BMP7: variants seen among roughly 807,000 people sequenced by gnomAD.
The protein encoded by BMP7 is bone morphogenetic protein 7, also known as osteogenic protein 1.
Under a neutral mutation model 41.2 loss-of-function variants are expected in BMP7, and 12 were observed. The ratio of observed to expected loss-of-function variants is 0.29; its 90% CI spans 0.19 to 0.47. BMP7 has a LOEUF of 0.47. Ranked by LOEUF, BMP7 falls within the 20% of genes least tolerant of loss-of-function variation. BMP7 has a pLI of 0.99. For synonymous variants in BMP7, 248 were observed against 250.0 expected, an observed-to-expected ratio of 0.99 and a Z score of 0.07; for missense variants, 467 against 606.0, an observed-to-expected ratio of 0.77 and a Z score of 2.41.
In BMP7 at chr20:57,202,584, C is replaced by A; in HGVS notation, c.651G>T (p.Trp217Cys). The A allele has an allele frequency of 6.2e-7, 1 of 1,612,258 alleles. No homozygotes were observed. Among genetic ancestry groups the A allele is most frequent in the Non-Finnish European group, 8.5e-7 (1 of 1,179,984 alleles). The change falls in exon 3 of 7, where the codon TGG (tryptophan) becomes TGT (cysteine). Residue 217 changes from tryptophan to cysteine, a missense_variant. Physicochemically the swap from Trp to Cys is radical, Grantham distance 215. This residue lies in a region of BMP7 where 407 missense variants were observed against 485.9 expected (regional missense o/e 0.84). Coordinates refer to ENST00000395863, the MANE Select transcript of BMP7 (RefSeq NM_001719.3). ...DLFLLDSRTLWASEEGWLVFD... is the reference protein window; with the variant it reads ...DLFLLDSRTLCASEEGWLVFD... ...ACACCAGCCAGCCCTCCTCCGAGGC[C>A]CAGAGGGTACGGCTGTCGAGCAGGA... is the stretch of plus-strand genomic sequence containing the variant.
In BMP7 at chr20:57,174,993, C is replaced by A; in HGVS notation, c.973G>T (p.Asp325Tyr). The A allele has an allele frequency of 6.2e-7, 1 of 1,611,538 alleles. No individual in the cohort carries two copies. Among genetic ancestry groups the A allele is most frequent in the South Asian group, 1.1e-5 (1 of 90,828 alleles). The change falls in exon 5 of 7, where the codon GAC becomes TAC. Residue 325 changes from aspartate to tyrosine, a missense_variant. Physicochemically the swap from Asp to Tyr is radical, Grantham distance 160. Coordinates refer to ENST00000395863, the MANE Select transcript of BMP7 (RefSeq NM_001719.3). The surrounding 1 kb of genome is among the most constrained non-coding windows in gnomAD (Gnocchi z 4.3). ...MANVAENSSS[D>Y]QRQACKKHEL... ...TGCTTCTTACAGGCCTGCCTCTGGT[C>A]GCTGCTGCTGTTCTCTGCATTGACA... is the stretch of plus-strand genomic sequence containing the variant.
intron 4 of BMP7, among the ~76,000 whole-genome samples, chr20:57,183,383 G>T (rs530147324): frequency 4.5e-3 from 14 of 3,078 alleles, no homozygotes; most frequent in South Asian, 0.05. Flanking sequence ...TCCTTCCATG[G>T]GGTAAGCCCC....
intron 4 of BMP7, among the ~76,000 whole-genome samples, chr20:57,175,712 C>A (rs1027533782): frequency 2.6e-5 from 4 of 152,174 alleles, no homozygotes; most frequent in African/African-American, 7.2e-5. Context: ...CACACTGCAA[C>A]CTTCCTTCCA....
intron 3 of BMP7, among the ~76,000 whole-genome samples, chr20:57,193,129 C>G (rs563091728): frequency 6.6e-6 from 1 of 152,182 alleles, no homozygotes; most frequent in Non-Finnish European, 1.5e-5. Flanking sequence ...AGTTACCATA[C>G]AGTAAAATCC....
intron 1 of BMP7, among the ~76,000 whole-genome samples, chr20:57,262,746 CATA>C (rs937981031): frequency 2.0e-5 from 3 of 152,196 alleles, no homozygotes; most frequent in African/African-American, 4.8e-5. Flanking sequence ...AAACTCCCAC[CATA>C]ATAAGAAGTA....
chr20:57,199,481 A>G (rs1417537498), intron 3 of BMP7, among the ~76,000 whole-genome samples: 1 of 152,124 alleles, frequency 6.6e-6, no homozygotes, highest in Non-Finnish European at 1.5e-5. Context: ...CGGAAACAAA[A>G]CCACATGTAC....
At chr20:57,210,258 G>A (rs1252760571) in intron 2 of BMP7, among the ~76,000 whole-genome samples, 2 of 152,198 alleles carry the variant, frequency 1.3e-5, no homozygotes, top group African/African-American at 4.8e-5. Context: ...GGGCTTTCAG[G>A]TGCCTCCTCC....
chr20:57,205,841 G>A (rs113404774), intron 2 of BMP7, among the ~76,000 whole-genome samples: 1 of 152,148 alleles, frequency 6.6e-6, no homozygotes, highest in Non-Finnish European at 1.5e-5. Flanking sequence ...CAACGTGAAT[G>A]CGTCAACTCC....
At chr20:57,244,138 C>T (rs6092443) in intron 1 of BMP7, 5 of 152,266 alleles carry the variant, frequency 3.3e-5, no homozygotes, top group African/African-American at 1.2e-4. Context: ...TATTACAGCA[C>T]AGGCCACTGG....
rs1244574165 is a variant in BMP7 at position 57,174,755 on chromosome 20, C to T, written c.1035+176G>A. 1.3e-5 allele frequency among the ~76,000 whole-genome samples: 2 copies of T among 152,224 alleles called. No individual in the cohort carries two copies. The highest frequency in any genetic ancestry group is 2.4e-5 in the African/African-American group (1 of 41,458). ...CAAGTCTCAACCACATTTCTGCTCT[C>T]GGATTTCATGAGGCCTCCCTGTATC... On this transcript the variant is annotated intron_variant, in intron 5 of 6. Transcript: ENST00000395863. The surrounding 1 kb of genome is among the most constrained non-coding windows in gnomAD (Gnocchi z 4.3).
chr20:57,234,074 TC>T (rs759907824), intron 1 of BMP7, among the ~76,000 whole-genome samples: 1 of 151,934 alleles, frequency 6.6e-6, no homozygotes, highest in African/African-American at 2.4e-5. Context: ...CTTGCCCATG[TC>T]CCCCCACCCC....
chr20:57,207,978 C>T (rs1300014744), intron 2 of BMP7, among the ~76,000 whole-genome samples: 4 of 151,506 alleles, frequency 2.6e-5, no homozygotes, highest in Admixed American at 6.6e-5. Flanking sequence ...TACAGGCGCC[C>T]GCCACCGCGC....
At chr20:57,250,785 TA>T (rs1175461380) in intron 1 of BMP7, among the ~76,000 whole-genome samples, 1 of 152,168 alleles carries the variant, frequency 6.6e-6, no homozygotes, top group Admixed American at 6.5e-5. Flanking sequence ...GGTGTCTCCT[TA>T]AAACTCTGCA....
At chr20:57,241,654 G>A (rs572101013) in intron 1 of BMP7, among the ~76,000 whole-genome samples, 4 of 152,308 alleles carry the variant, frequency 2.6e-5, no homozygotes, top group Admixed American at 1.3e-4. Flanking sequence ...GGGGGGCTGC[G>A]TCCAGAGACA....
At chr20:57,187,209 C>A (rs1194016288) in intron 3 of BMP7, 2 of 152,200 alleles carry the variant, frequency 1.3e-5, no homozygotes, top group African/African-American at 2.4e-5. Context: ...GGTGTTTAAA[C>A]CCGCATCTGC....
intron 4 of BMP7, among the ~76,000 whole-genome samples, chr20:57,180,333 C>T (rs535748947): frequency 6.6e-6 from 1 of 151,878 alleles, no homozygotes; most frequent in African/African-American, 2.4e-5. Context: ...CTCCCCACTC[C>T]CCAAAGGCGC....
chr20:57,221,193 A>G (rs1600630927), intron 2 of BMP7, among the ~76,000 whole-genome samples: 1 of 152,186 alleles, frequency 6.6e-6, no homozygotes, highest in East Asian at 1.9e-4. Flanking sequence ...GCAGCCCCAC[A>G]CGGTTCAGCA....
At chr20:57,242,464 G>T (rs527248755) in intron 1 of BMP7, among the ~76,000 whole-genome samples, 13 of 152,260 alleles carry the variant, frequency 8.5e-5, no homozygotes, top group African/African-American at 3.1e-4. Context: ...CCATAACAAA[G>T]GAAAGGACTG....
At position 57,265,753 on chromosome 20, in the gene BMP7, T is replaced by C; in HGVS notation, c.370A>G (p.Ser124Gly). ...QGPPLASLQD[S>G]HFLTDADMVM... is the part of the protein sequence containing the mutation. ...ATGTCGGCGTCGGTGAGGAAATGGC[T>C]ATCTTGCAGGCTGGCCAGAGGGGGG... Residue 124 changes from serine (S) to glycine (G), a missense_variant, in exon 1 of 7, where the codon AGC becomes GGC. Ser to Gly is a moderately conservative substitution (Grantham distance 56, BLOSUM62 0). Transcript: ENST00000395863. 6.2e-7 allele frequency: 1 copy of C among 1,611,082 alleles called. No homozygotes were observed. The highest frequency in any genetic ancestry group is 8.5e-7 in the Non-Finnish European group (1 of 1,178,806).
Sources: gnomAD v4.1 joint callset for allele counts (sites outside exome capture counted in the v4.1 genomes callset) on GRCh38, gnomAD v4.1.1 for gene constraint, gnomAD v4.1.1 regional missense constraint, Gnocchi (gnomAD v3.1) non-coding constraint, MANE v1.5 for transcripts, NCBI Gene and HGNC (gene_info 2026-07-23, HGNC 2026-07-21) for gene names.